Variants in ANKFN1 observed in about 807,000 individuals in gnomAD.
The protein encoded by ANKFN1 is ankyrin repeat and fibronectin type-III domain-containing protein 1.
Under a neutral mutation model 108.7 loss-of-function variants are expected in ANKFN1, and 74 were observed. That is an observed-to-expected ratio of 0.68 (90% CI 0.56 to 0.83). The LOEUF (loss-of-function observed/expected upper bound fraction) is 0.83, where lower values mean the gene tolerates loss of function less well. Among genes scored for constraint, ANKFN1 ranks in the 40% least tolerant of loss-of-function variants. ANKFN1 has a pLI of 0.00. For missense variants in ANKFN1, 1,505 were observed against 1,382.3 expected, an observed-to-expected ratio of 1.09 and a Z score of -1.41; for synonymous variants, 547 against 516.2, an observed-to-expected ratio of 1.06 and a Z score of -0.81.
intron 8 of ANKFN1, among the ~76,000 whole-genome samples, chr17:56,438,209 A>AG (rs1413747174): frequency 6.6e-6 from 1 of 152,198 alleles, no homozygotes; most frequent in African/African-American, 2.4e-5. Context: ...CTTAGGGAGC[A>AG]GAAAAACTGG....
At chr17:56,189,272 G>A (rs998492669) in intron 1 of ANKFN1, among the ~76,000 whole-genome samples, 1 of 138,522 alleles carries the variant, frequency 7.2e-6, no homozygotes, top group African/African-American at 2.8e-5. Flanking sequence ...CCGGGTTCAC[G>A]CCATTCTCCT....
At chr17:56,101,556 A>T (rs905232562) in intron 4 of ANKFN1, among the ~76,000 whole-genome samples, 1 of 152,214 alleles carries the variant, frequency 6.6e-6, no homozygotes, top group South Asian at 2.1e-4. Flanking sequence ...TGCTCTGTGC[A>T]CCAGTGCCAG....
At chr17:56,194,773 A>G (rs996570226) in intron 1 of ANKFN1, among the ~76,000 whole-genome samples, 4 of 152,200 alleles carry the variant, frequency 2.6e-5, no homozygotes, top group South Asian at 2.1e-4. Context: ...ATGTTCATCA[A>G]TTGTAACAAA....
rs544953825 is a variant in ANKFN1 at position 56,387,185 on chromosome 17, C to T, written c.910+12471C>T. The stretch of plus-strand genomic sequence containing the variant: ...TAATGTTACCAATTCCTGCTACTTT[C>T]TATGGGCTTACTTTATTGTTTCCTT... On this transcript the variant is annotated intron_variant, in intron 8 of 20. Transcript: ENST00000682825. Among the ~76,000 whole-genome samples, 9 of 152,052 alleles carry T rather than the reference C, an allele frequency of 5.9e-5. No homozygotes were observed. The East Asian group carries it at 1.7e-3, about 29-fold the overall frequency.
chr17:56,165,871 C>T (rs954545358), intron 1 of ANKFN1, among the ~76,000 whole-genome samples: 5 of 152,124 alleles, frequency 3.3e-5, no homozygotes, highest in Admixed American at 2.0e-4. Context: ...CTGTTGAAAT[C>T]ACACTCATCC....
chr17:56,452,498 T>C (rs1252182256), intron 11 of ANKFN1, among the ~76,000 whole-genome samples: 1 of 152,188 alleles, frequency 6.6e-6, no homozygotes, highest in Non-Finnish European at 1.5e-5. Context: ...GGAGTTCTCC[T>C]TCTGTGTTAT....
intron 1 of ANKFN1, among the ~76,000 whole-genome samples, chr17:56,211,509 C>A (rs1161801044): frequency 2.0e-5 from 3 of 152,062 alleles, no homozygotes. Flanking sequence ...GTGACTATGG[C>A]TTTATACTAT....
At chr17:56,391,294 C>CTCTGTGTGTGT (rs1457778939) in intron 8 of ANKFN1, among the ~76,000 whole-genome samples, 11 of 144,098 alleles carry the variant, frequency 7.6e-5, no homozygotes, top group Non-Finnish European at 1.5e-4. Context: ...TATGTACACA[C>CTCTGTGTGTGT]ACACACAGTC....
chr17:56,237,675 C>T (rs1048867588), intron 3 of ANKFN1, among the ~76,000 whole-genome samples: 2 of 151,810 alleles, frequency 1.3e-5, no homozygotes, highest in Admixed American at 6.6e-5. Context: ...TCTCTCTTTT[C>T]TTCTTCATTA....
At chr17:56,298,624 CTTTG>C (rs1237629814) in intron 3 of ANKFN1, among the ~76,000 whole-genome samples, 1 of 151,988 alleles carries the variant, frequency 6.6e-6, no homozygotes, top group Non-Finnish European at 1.5e-5. Flanking sequence ...GATCTCTATG[CTTTG>C]TTTGTCAGAA....
At position 56,219,419 on chromosome 17, in the gene ANKFN1, G is replaced by T. The variant is rs1024735799; in HGVS notation, c.12+6740G>T. On this transcript the variant is annotated intron_variant, in intron 2 of 20. Coordinates refer to ENST00000682825, the MANE Select transcript of ANKFN1 (RefSeq NM_001370326.1). ...GCACCACCATGCCTGGCTAATTTTT[G>T]CATTTTTAGTAGAGATGGGATTTTA... Among the ~76,000 whole-genome samples the T allele has an allele frequency of 1.1e-3, 173 of 152,016 alleles. 4 individuals are homozygous for T. Among genetic ancestry groups the T allele is most frequent in the Non-Finnish European group, 1.2e-4 (8 of 67,932 alleles).
intron 1 of ANKFN1, among the ~76,000 whole-genome samples, chr17:56,193,256 GA>G (rs890446659): frequency 8.7e-6 from 1 of 114,852 alleles, no homozygotes; most frequent in Admixed American, 1.0e-4. Context: ...CTGTGGTGGG[GA>G]GGGGGGAGGG....
At chr17:56,127,566 G>C (rs1012546243) in intron 4 of ANKFN1, among the ~76,000 whole-genome samples, 4 of 151,984 alleles carry the variant, frequency 2.6e-5, no homozygotes, top group African/African-American at 4.8e-5. Flanking sequence ...CACTCACCTC[G>C]GCCTCCCAAA....
intron 1 of ANKFN1, among the ~76,000 whole-genome samples, chr17:56,169,160 T>C (rs751118446): frequency 6.6e-6 from 1 of 152,124 alleles, no homozygotes; most frequent in African/African-American, 2.4e-5. Flanking sequence ...TGTTCTCCTT[T>C]GAAGCTAAAG....
intron 1 of ANKFN1, among the ~76,000 whole-genome samples, chr17:56,154,089 A>G (rs1908855360): frequency 6.6e-6 from 1 of 151,964 alleles, no homozygotes; most frequent in Non-Finnish European, 1.5e-5. Flanking sequence ...GCAGGACAGA[A>G]CTGATTGACA....
chr17:56,393,378 C>T (rs1419357002), intron 8 of ANKFN1, among the ~76,000 whole-genome samples: 1 of 152,196 alleles, frequency 6.6e-6, no homozygotes, highest in African/African-American at 2.4e-5. Context: ...CCCACCCATA[C>T]AGAACCAGCC....
chr17:56,284,042 C>T (rs2044153883), intron 3 of ANKFN1, among the ~76,000 whole-genome samples: 1 of 152,186 alleles, frequency 6.6e-6, no homozygotes, highest in Non-Finnish European at 1.5e-5. Context: ...TTCAGAGACA[C>T]ATCTGACTGA....
chr17:56,493,707 C>A (rs1353732446), intron 19 of ANKFN1, among the ~76,000 whole-genome samples: 1 of 152,150 alleles, frequency 6.6e-6, no homozygotes, highest in Non-Finnish European at 1.5e-5. Context: ...TGAGGATACT[C>A]TTCCCATATA....
intron 4 of ANKFN1, among the ~76,000 whole-genome samples, chr17:56,146,695 A>G (rs1951431336): frequency 6.6e-6 from 1 of 152,200 alleles, no homozygotes; most frequent in Non-Finnish European, 1.5e-5. Flanking sequence ...CTGAGGCTGT[A>G]TAAAGCAGGG....
Sources: gnomAD v4.1 joint callset for allele counts (sites outside exome capture counted in the v4.1 genomes callset) on GRCh38, gnomAD v4.1.1 for gene constraint, MANE v1.5 for transcripts, NCBI Gene and HGNC (gene_info 2026-07-23, HGNC 2026-07-21) for gene names.